Variants in DNAH1 observed in about 807,000 individuals in gnomAD.
DNAH1 encodes dynein axonemal heavy chain 1.
Under a neutral mutation model 484.3 loss-of-function variants are expected in DNAH1, and 327 were observed. That is an observed-to-expected ratio of 0.68 (90% CI 0.62 to 0.74). The LOEUF (loss-of-function observed/expected upper bound fraction) is 0.74, where lower values mean the gene tolerates loss of function less well. DNAH1 is among the 30% of genes least tolerant of loss of function. The pLI, the probability that DNAH1 is intolerant of heterozygous loss-of-function variation, is 0.00. For missense variants in DNAH1, 5,052 were observed against 5,546.8 expected, an observed-to-expected ratio of 0.91 and a Z score of 2.83; for synonymous variants, 2,192 against 2,191.9, an observed-to-expected ratio of 1.00 and a Z score of 0.00.
chr3:52,325,791 T>A (rs1161784525), intron 3 of DNAH1, among the ~76,000 whole-genome samples: 2 of 152,180 alleles, frequency 1.3e-5, no homozygotes, highest in Admixed American at 6.5e-5. Flanking sequence ...TCCCATTTCA[T>A]CTTCCTATCC....
In DNAH1 at chr3:52,357,657, G is replaced by T; in HGVS notation, c.3902G>T (p.Arg1301Leu). 1.3e-6 allele frequency: 2 copies of T among 1,598,528 alleles called. No individual in the cohort carries two copies. Among genetic ancestry groups the T allele is most frequent in the East Asian group, 4.5e-5 (2 of 44,320 alleles). ...GACCTGAGAATGCTGGACAGCCTGC[G>T]GGACTGCAACAAGATTCTGGACCTG... ...CSDLRMLDSL[R>L]DCNKILDLVQ... The change falls in exon 23 of 78, where the codon CGG becomes CTG. Residue 1301 changes from arginine (R) to leucine (L), a missense_variant. By Grantham distance (102) the Arg-to-Leu change is moderately radical (BLOSUM62 -2). Around this residue, in one of 4 missense-constraint regions of DNAH1, gnomAD observed 2,929 missense variants for 3,409.4 expected, o/e 0.86. Coordinates refer to ENST00000420323, the MANE Select transcript of DNAH1 (RefSeq NM_015512.5).
intron 44 of DNAH1, chr3:52,374,445 ACT>A: frequency 7.5e-7 from 1 of 1,331,572 alleles, no homozygotes. Flanking sequence ...CTGGCCAAAG[ACT>A]CACAGTCCAA....
At chr3:52,344,382 G>A (rs1702061886) in intron 8 of DNAH1, 108 bp from the exon 9 acceptor site, 12 of 1,365,766 alleles carry the variant, frequency 8.8e-6, no homozygotes, top group South Asian at 1.5e-5. Flanking sequence ...CAGAAGGGAA[G>A]CCCTAAATGC....
At chr3:52,328,526 G>C (rs1276149275) in intron 6 of DNAH1, among the ~76,000 whole-genome samples, 1 of 152,182 alleles carries the variant, frequency 6.6e-6, no homozygotes, top group African/African-American at 2.4e-5. Flanking sequence ...TCACCACACA[G>C]AAACACACTC....
Position 52,399,139 on chromosome 3 carries a change from A to C in DNAH1, c.12379A>C (p.Thr4127Pro). The change falls in exon 76 of 78, where the codon ACT (threonine) becomes CCT (proline). Residue 4127 changes from threonine to proline, a missense_variant. By Grantham distance (38) the Thr-to-Pro change is conservative. Coordinates refer to ENST00000420323, the MANE Select transcript of DNAH1 (RefSeq NM_015512.5). ...CTTCCCCCAGGCTTTCTTAACAGGC[A>C]CTCTGCAGAATTTTGCCCGCAAATT... ...FFFPQAFLTG[T>P]LQNFARKFVI... 3 of 1,613,874 alleles carry C rather than the reference A, an allele frequency of 1.9e-6. No homozygotes were observed. Among genetic ancestry groups the C allele is most frequent in the Non-Finnish European group, 2.5e-6 (3 of 1,179,844 alleles).
At chr3:52,346,247 T>C (rs1702136963) in intron 10 of DNAH1, among the ~76,000 whole-genome samples, 1 of 152,178 alleles carries the variant, frequency 6.6e-6, no homozygotes, top group Non-Finnish European at 1.5e-5. Context: ...CTGTCCTCCC[T>C]CCCTCCTTTC....
chr3:52,381,199 C>CT lies in DNAH1; in HGVS notation c.7609-440dup, dbSNP rs1703828995. Among the ~76,000 whole-genome samples, 1 of 152,214 alleles carries CT rather than the reference C, an allele frequency of 6.6e-6. No individual in the cohort carries two copies. The highest frequency in any genetic ancestry group is 6.5e-5 in the Admixed American group (1 of 15,286). On this transcript the variant is annotated intron_variant, in intron 48 of 77. Coordinates refer to ENST00000420323, the MANE Select transcript of DNAH1 (RefSeq NM_015512.5). The surrounding 1 kb of genome is among the most constrained non-coding windows in gnomAD (Gnocchi z 4.1). ...TACTGCAGCCTCTACCTCATGGGCT[C>CT]TATCAGTCGTCCCACCTCAGCGTCC...
At chr3:52,393,646 G>A (rs1198313387) in intron 66 of DNAH1, among the ~76,000 whole-genome samples, 161 bp downstream of exon 66, 1 of 152,158 alleles carries the variant, frequency 6.6e-6, no homozygotes, top group Non-Finnish European at 1.5e-5. Context: ...GGCCGGGCAC[G>A]GTGACTCATG....
intron 60 of DNAH1, 92 bp from the exon 61 acceptor site, chr3:52,390,843 T>C (rs1704340215): frequency 9.2e-6 from 14 of 1,527,424 alleles, no homozygotes; most frequent in Non-Finnish European, 1.1e-5. Context: ...GGGAAGTCCA[T>C]AGCCGAAACA....
In DNAH1 at chr3:52,396,683, T is replaced by A; in HGVS notation, c.11496T>A (p.Arg3832=). The part of the protein sequence containing the change: ...CLFHGNALER[R]KFGPLGFNIP... ...TCCATGGGAACGCCCTGGAGCGCCG[T>A]AAGTTTGGGCCCCTGGGCTTCAACA... The change falls in exon 72 of 78, where the codon CGT becomes CGA. Residue 3832 remains arginine, a synonymous_variant. Coordinates refer to ENST00000420323, the MANE Select transcript of DNAH1 (RefSeq NM_015512.5). 1 of 1,613,594 alleles carries A rather than the reference T, an allele frequency of 6.2e-7. No homozygotes were observed. The highest frequency in any genetic ancestry group is 8.5e-7 in the Non-Finnish European group (1 of 1,179,840).
At chr3:52,386,035 C>T (rs756820518) in intron 54 of DNAH1, 125 bp from the exon 55 acceptor site, 5 of 1,128,382 alleles carry the variant, frequency 4.4e-6, no homozygotes, top group Non-Finnish European at 4.9e-6. Flanking sequence ...TCCCAGACCT[C>T]TCTGGCCTGT....
rs571308156 is a variant in DNAH1 at position 52,355,092 on chromosome 3, C to T, written c.3693+37C>T. The T allele has an allele frequency of 5.0e-6, 8 of 1,598,268 alleles. No homozygotes were observed. The South Asian group carries it at 5.5e-5, about 11-fold the overall frequency. ...CCCCAGTCCTTCCCTCATCGCTCCC[C>T]CACTTCAGAGAGCCCGACCCACAGG... On this transcript the variant is annotated intron_variant, in intron 21 of 77. Coordinates refer to ENST00000420323, the MANE Select transcript of DNAH1 (RefSeq NM_015512.5). This position sits in a 1 kb window ranked among gnomAD's most constrained non-coding sequence, Gnocchi z 4.5.
At position 52,358,411 on chromosome 3, in the gene DNAH1, A is replaced by C. The variant is rs1238677649; in HGVS notation, c.4087-147A>C. The C allele has an allele frequency of 9.8e-6, 9 of 919,368 alleles. No individual in the cohort carries two copies. The highest frequency in any genetic ancestry group is 1.3e-5 in the Non-Finnish European group (8 of 630,912). 57.0% of individuals were successfully genotyped at this position (919,368 alleles called of 1,614,324 possible). ...CAGGCCATCCAGCCTGGGAAGGCCC[A>C]GCCAAGATAGACTCTCGGGGGGACG... On this transcript the variant is annotated intron_variant, in intron 24 of 77. Coordinates refer to ENST00000420323, the MANE Select transcript of DNAH1 (RefSeq NM_015512.5). The surrounding 1 kb of genome is among the most constrained non-coding windows in gnomAD (Gnocchi z 4.2).
At chr3:52,378,943 C>G (rs1703722374) in intron 47 of DNAH1, among the ~76,000 whole-genome samples, 163 bp downstream of exon 47, 1 of 152,206 alleles carries the variant, frequency 6.6e-6, no homozygotes. Context: ...CAGCTGAGCC[C>G]AGTCTTGTTA....
rs545937381 is a variant in DNAH1 at position 52,394,094 on chromosome 3, T to C, written c.10627-371T>C. ...GCTTGGCCAGGAACTCACACTCTCA[T>C]GAAGCCCTATGCATTTCGTGGTGCA... On this transcript the variant is annotated intron_variant, in intron 66 of 77. Transcript: ENST00000420323. Among the ~76,000 whole-genome samples the C allele has an allele frequency of 5.7e-4, 87 of 152,338 alleles. 1 individual carries two copies. The South Asian group carries it at 0.018, about 31-fold the overall frequency.
chr3:52,368,873 C>G lies in DNAH1; in HGVS notation c.5898C>G (p.Asn1966Lys), dbSNP rs1354546920. 5.0e-6 allele frequency: 8 copies of G among 1,613,882 alleles called. No homozygotes were observed. The African/African-American group carries it at 5.3e-5, about 11-fold the overall frequency. ...IENMNTVLDD[N>K]KKLCLSSGEI... ...ACATGAACACGGTGCTGGATGACAA[C>G]AAGAAGCTGTGCCTCAGCTCTGGGG... Residue 1966 changes from asparagine to lysine, a missense_variant, in exon 37 of 78, where the codon AAC (asparagine) becomes AAG (lysine). Around this residue, in one of 4 missense-constraint regions of DNAH1, gnomAD observed 2,929 missense variants for 3,409.4 expected, o/e 0.86. Transcript: ENST00000420323. This position sits in a 1 kb window ranked among gnomAD's most constrained non-coding sequence, Gnocchi z 4.4.
chr3:52,372,845 C>G (rs1199791908), intron 43 of DNAH1, 51 bp from the exon 44 acceptor site: 15 of 1,569,216 alleles, frequency 9.6e-6, no homozygotes, highest in African/African-American at 1.4e-5. Flanking sequence ...CCTGGATTCT[C>G]AGAGGACCTG....
Position 52,364,901 on chromosome 3 carries a change from C to T in DNAH1, c.5400C>T (p.Leu1800=), listed in dbSNP as rs1703008428. ...VPKFLQEDLK[L]FSGIVSDLFP... The stretch of plus-strand genomic sequence containing the variant: ...AGTTCCTGCAGGAGGACCTCAAGCT[C>T]TTCTCTGGCATCGTGTCCGACCTGT... The change falls in exon 34 of 78, where the codon CTC becomes CTT. Residue 1800 remains leucine, a synonymous_variant. Transcript: ENST00000420323. This position sits in a 1 kb window ranked among gnomAD's most constrained non-coding sequence, Gnocchi z 4.2. 1 of 1,614,034 alleles carries T rather than the reference C, an allele frequency of 6.2e-7. No homozygotes were observed. Among genetic ancestry groups the T allele is most frequent in the Middle Eastern group, 1.6e-4 (1 of 6,062 alleles).
rs746521020 is a variant in DNAH1, at chr3:52,322,672, C to T, written c.230C>T (p.Pro77Leu). 60 of 1,613,782 alleles carry T rather than the reference C, an allele frequency of 3.7e-5. No individual in the cohort carries two copies. The highest frequency in any genetic ancestry group is 4.2e-6 in the Non-Finnish European group (5 of 1,179,860). Residue 77 changes from proline (P) to leucine (L), a missense_variant, in exon 2 of 78, where the codon CCA (proline) becomes CTA (leucine). Physicochemically the swap from Pro to Leu is moderately conservative, Grantham distance 98. Around this residue, in one of 4 missense-constraint regions of DNAH1, gnomAD observed 1,263 missense variants for 1,218.8 expected, o/e 1.04. Transcript: ENST00000420323. ...CCCACACTCTCAGACTTGGGGCAGCCACGGAAGTCACCCCTGACAGGCACT... is the reference window on the plus strand; with the variant it reads ...CCCACACTCTCAGACTTGGGGCAGCTACGGAAGTCACCCCTGACAGGCACT... ...APPTLSDLGQ[P>L]RKSPLTGTDK...
Sources: gnomAD v4.1 joint callset for allele counts (sites outside exome capture counted in the v4.1 genomes callset) on GRCh38, gnomAD v4.1.1 for gene constraint, gnomAD v4.1.1 regional missense constraint, Gnocchi (gnomAD v3.1) non-coding constraint, MANE v1.5 for transcripts, NCBI Gene and HGNC (gene_info 2026-07-23, HGNC 2026-07-21) for gene names.